ARLN: variants seen among roughly 807,000 people sequenced by gnomAD.
ARLN encodes allregulin, also known as sarcoplasmic/endoplasmic reticulum calcium ATPase regulator ARLN.
At chr4:119,300,239 A>G in the ARLN span, 2 of 995,240 alleles carry the variant, frequency 2.0e-6, no homozygotes, top group Non-Finnish European at 3.1e-6. Context: ...TCTTGGACAT[A>G]TATAAACTCT....
At chr4:119,301,973 T>G in the ARLN span, among the ~76,000 whole-genome samples, 3 of 152,142 alleles carry the variant, frequency 2.0e-5, no homozygotes, top group African/African-American at 7.2e-5. Context: ...TTAATTAGAT[T>G]GTGTGCTGTA....
At chr4:119,300,544 T>G in the ARLN span, 1 of 1,614,166 alleles carries the variant, frequency 6.2e-7, no homozygotes, top group Non-Finnish European at 8.5e-7. Context: ...ATCTCGCTCC[T>G]GCAGCTTCGT....
chr4:119,300,678 C>G, the ARLN span: 3 of 1,539,904 alleles, frequency 1.9e-6, no homozygotes, highest in Non-Finnish European at 2.6e-6. Flanking sequence ...GCACTCTGAA[C>G]CTACTCTTCC....
the ARLN span, chr4:119,304,345 T>C: frequency 6.5e-7 from 1 of 1,536,848 alleles, no homozygotes. Context: ...GTGAATGAAG[T>C]ATTTGTTTCC....
chr4:119,300,780 G>T, the ARLN span: 54 of 1,452,128 alleles, frequency 3.7e-5, no homozygotes, highest in East Asian at 1.3e-3. Flanking sequence ...CAATGGGCCC[G>T]CCTACTTCTG....
the ARLN span, among the ~76,000 whole-genome samples, chr4:119,303,909 C>G: frequency 6.6e-6 from 1 of 152,196 alleles, no homozygotes; most frequent in African/African-American, 2.4e-5. Flanking sequence ...GTTGTACTAT[C>G]ATCATAACTA....
chr4:119,304,236 C>G, the ARLN span: 2 of 1,520,824 alleles, frequency 1.3e-6, no homozygotes, highest in South Asian at 1.2e-5. Flanking sequence ...CTTGGTATTT[C>G]TAACATACCA....
chr4:119,300,270 C>G, the ARLN span: 332,236 of 1,326,796 alleles, frequency 0.25, 43,708 homozygotes, highest in Admixed American at 0.33. Flanking sequence ...GTCCCCTCCC[C>G]GCCCAAAAGC....
At chr4:119,302,823 G>C in the ARLN span, among the ~76,000 whole-genome samples, 1 of 152,208 alleles carries the variant, frequency 6.6e-6, no homozygotes, top group Non-Finnish European at 1.5e-5. Flanking sequence ...AGACAGCTAA[G>C]TGTTTTTAAG....
chr4:119,299,902 T>C, the ARLN span, among the ~76,000 whole-genome samples: 4 of 152,092 alleles, frequency 2.6e-5, no homozygotes, highest in Non-Finnish European at 4.4e-5. Context: ...ATAGTAAAAA[T>C]AGCTTTCGTT....
the ARLN span, among the ~76,000 whole-genome samples, chr4:119,303,913 A>G: frequency 6.6e-6 from 1 of 152,192 alleles, no homozygotes; most frequent in African/African-American, 2.4e-5. Context: ...TACTATCATC[A>G]TAACTAGGTT....
At chr4:119,300,684 CTT>C in the ARLN span, 6 of 1,535,824 alleles carry the variant, frequency 3.9e-6, no homozygotes, top group African/African-American at 8.2e-5. Context: ...TGAACCTACT[CTT>C]CCCAGCGCGC....
chr4:119,303,272 C>T, the ARLN span, among the ~76,000 whole-genome samples: 17 of 144,696 alleles, frequency 1.2e-4, no homozygotes, highest in Admixed American at 1.1e-3. Context: ...CTTGCTCTGT[C>T]GCCCAGGCTG....
chr4:119,304,407 TG>T, the ARLN span: 5 of 1,536,878 alleles, frequency 3.3e-6, no homozygotes, highest in Non-Finnish European at 4.4e-6. Context: ...CATTCTGTAA[TG>T]GTCTCCTATT....
the ARLN span, chr4:119,300,953 A>T: frequency 2.8e-6 from 2 of 716,016 alleles, no homozygotes; most frequent in Non-Finnish European, 4.4e-6. Context: ...CCTTATGCCA[A>T]CGTGTTAGGA....
chr4:119,304,237 T>C, the ARLN span: 1 of 1,521,308 alleles, frequency 6.6e-7, no homozygotes, highest in Non-Finnish European at 8.8e-7. Context: ...TTGGTATTTC[T>C]AACATACCAA....
chr4:119,298,932 A>AAC, the ARLN span, among the ~76,000 whole-genome samples: 1 of 151,754 alleles, frequency 6.6e-6, no homozygotes, highest in South Asian at 2.1e-4. Context: ...AGGTCATAAA[A>AAC]ACACACACAC....
the ARLN span, among the ~76,000 whole-genome samples, chr4:119,299,873 C>A: frequency 1.3e-5 from 2 of 152,124 alleles, no homozygotes; most frequent in Non-Finnish European, 2.9e-5. Context: ...GCGTGGTCTG[C>A]TCATGGTTAA....
the ARLN span, chr4:119,300,857 C>G: frequency 5.7e-6 from 8 of 1,409,828 alleles, no homozygotes; most frequent in Admixed American, 1.4e-4. Flanking sequence ...TTCTCGTCCC[C>G]CTGAAAGGCC....
Sources: gnomAD v4.1 joint callset for allele counts (sites outside exome capture counted in the v4.1 genomes callset) on GRCh38, gnomAD v4.1.1 for gene constraint, MANE v1.5 for transcripts, NCBI Gene and HGNC (gene_info 2026-07-23, HGNC 2026-07-21) for gene names.